CNTNAP2: variants seen among roughly 807,000 people sequenced by gnomAD.
CNTNAP2 encodes contactin-associated protein-like 2.
In CNTNAP2, 98 loss-of-function variants were observed where a neutral mutation model predicts 155.2. That is an observed-to-expected ratio of 0.63 (90% CI 0.54 to 0.75). CNTNAP2 has a LOEUF of 0.75. Among genes scored for constraint, CNTNAP2 ranks in the 30% least tolerant of loss-of-function variants. CNTNAP2 has a pLI of 0.00. For missense variants in CNTNAP2, 1,727 were observed against 1,688.1 expected (o/e 1.02, Z -0.40); for synonymous variants, 651 against 631.2 (o/e 1.03, Z -0.47).
intron 3 of CNTNAP2, among the ~76,000 whole-genome samples, chr7:147,012,146 T>C (rs927355472): frequency 1.3e-5 from 2 of 152,212 alleles, no homozygotes; most frequent in Admixed American, 6.5e-5. Context: ...ATGACCTTTA[T>C]GATGGGGTGG....
At chr7:146,329,490 A>T (rs1801147051) in intron 1 of CNTNAP2, among the ~76,000 whole-genome samples, 1 of 152,190 alleles carries the variant, frequency 6.6e-6, no homozygotes, top group African/African-American at 2.4e-5. Context: ...TTTTAAAAAT[A>T]TATTTTGGGA....
At chr7:146,211,710 T>G (rs1584804329) in intron 1 of CNTNAP2, among the ~76,000 whole-genome samples, 1 of 152,208 alleles carries the variant, frequency 6.6e-6, no homozygotes, top group Admixed American at 6.6e-5. Flanking sequence ...CACTTCAGAA[T>G]TAGTGAGTCA....
At chr7:147,395,543 C>G (rs1264857723) in intron 9 of CNTNAP2, 66 bp from the exon 10 acceptor site, 9 of 1,529,258 alleles carry the variant, frequency 5.9e-6, no homozygotes, top group Non-Finnish European at 7.2e-6. Flanking sequence ...GTAGAATACC[C>G]ACAAGAATTT....
rs555028514 is a variant in CNTNAP2, at chr7:146,833,147, C to T, written c.209-6564C>T. On this transcript the variant is annotated intron_variant, in intron 2 of 23. Transcript: ENST00000361727. ...AATGTTTTATTTTTCCCTGTTGTAA[C>T]TGATAATTACTGCTATTTTTAATGA... is the stretch of plus-strand genomic sequence containing the variant. Among the ~76,000 whole-genome samples the T allele has an allele frequency of 5.3e-5, 8 of 152,192 alleles. No individual in the cohort carries two copies. In the South Asian group the frequency reaches 8.3e-4, roughly 16 times the overall value.
At chr7:146,215,520 C>T (rs1052871186) in intron 1 of CNTNAP2, among the ~76,000 whole-genome samples, 2 of 152,014 alleles carry the variant, frequency 1.3e-5, no homozygotes, top group East Asian at 3.9e-4. Flanking sequence ...ACAAAATTGC[C>T]ATTTTATGGA....
intron 15 of CNTNAP2, among the ~76,000 whole-genome samples, chr7:148,026,060 T>C (rs1032160893): frequency 4.6e-5 from 7 of 152,148 alleles, no homozygotes; most frequent in African/African-American, 1.4e-4. Context: ...AGGGCAGAGG[T>C]TGGACCCTTG....
intron 1 of CNTNAP2, among the ~76,000 whole-genome samples, chr7:146,280,493 C>T (rs1800233893): frequency 6.6e-6 from 1 of 152,140 alleles, no homozygotes; most frequent in African/African-American, 2.4e-5. Context: ...AATTGCTGAT[C>T]ACTCCCTGCA....
At chr7:146,938,845 C>T (rs879386812) in intron 3 of CNTNAP2, among the ~76,000 whole-genome samples, 11 of 151,928 alleles carry the variant, frequency 7.2e-5, no homozygotes, top group South Asian at 2.1e-4. Flanking sequence ...ATTGAGCTTA[C>T]GATATACCAA....
intron 13 of CNTNAP2, among the ~76,000 whole-genome samples, chr7:147,862,658 TACACATAC>T (rs2116688209): frequency 6.6e-6 from 1 of 152,058 alleles, no homozygotes; most frequent in African/African-American, 2.4e-5. Context: ...CACACACATA[TACACATAC>T]ACACACATAT....
intron 20 of CNTNAP2, among the ~76,000 whole-genome samples, chr7:148,245,485 G>A (rs1177690742): frequency 3.9e-5 from 6 of 152,164 alleles, no homozygotes; most frequent in African/African-American, 4.8e-5. Flanking sequence ...CATATTCTGC[G>A]CGCTGCTCTT....
At chr7:147,507,465 G>T (rs1798926434) in intron 11 of CNTNAP2, among the ~76,000 whole-genome samples, 1 of 150,290 alleles carries the variant, frequency 6.7e-6, no homozygotes, top group Non-Finnish European at 1.5e-5. Flanking sequence ...ATCGACTCTT[G>T]TCAGTTACTT....
intron 15 of CNTNAP2, among the ~76,000 whole-genome samples, chr7:148,083,778 CAGAA>C (rs1803664526): frequency 6.6e-6 from 1 of 152,122 alleles, no homozygotes; most frequent in African/African-American, 2.4e-5. Flanking sequence ...TGCAAAAGTG[CAGAA>C]AGAAATACAA....
chr7:147,098,350 G>A (rs79320598), intron 4 of CNTNAP2, among the ~76,000 whole-genome samples: 1,621 of 152,246 alleles, frequency 0.011, 22 homozygotes, highest in African/African-American at 0.037. Flanking sequence ...ACAACTGAGC[G>A]TTTTTAGAAC....
intron 1 of CNTNAP2, among the ~76,000 whole-genome samples, chr7:146,167,311 T>G (rs6966136): frequency 0.12 from 17,981 of 152,232 alleles, 1,402 homozygotes; most frequent in Non-Finnish European, 0.18. Context: ...GTTAAGCTAT[T>G]GTGGAAACAC....
chr7:146,390,291 A>T (rs1020052222), intron 1 of CNTNAP2, among the ~76,000 whole-genome samples: 1 of 152,224 alleles, frequency 6.6e-6, no homozygotes, highest in Non-Finnish European at 1.5e-5. Context: ...TTTAGTAAAT[A>T]CACAAATAGT....
intron 11 of CNTNAP2, among the ~76,000 whole-genome samples, chr7:147,491,913 C>CA (rs1183861390): frequency 6.4e-4 from 97 of 151,460 alleles, no homozygotes; most frequent in South Asian, 3.6e-3. Context: ...AGGATATTAG[C>CA]AAAAAAAATC....
chr7:147,947,560 T>C (rs1800842712), intron 14 of CNTNAP2, among the ~76,000 whole-genome samples: 1 of 148,896 alleles, frequency 6.7e-6, no homozygotes, highest in African/African-American at 2.5e-5. Context: ...GCCAGGGAGG[T>C]AGAGAGGCTG....
intron 19 of CNTNAP2, among the ~76,000 whole-genome samples, chr7:148,228,667 C>T (rs1485950173): frequency 6.6e-6 from 1 of 151,096 alleles, no homozygotes; most frequent in Non-Finnish European, 1.5e-5. Flanking sequence ...ACTAAAAATA[C>T]CAAAAAAAAA....
chr7:146,966,542 CA>C (rs1439943215), intron 3 of CNTNAP2, among the ~76,000 whole-genome samples: 1 of 152,170 alleles, frequency 6.6e-6, no homozygotes, highest in Non-Finnish European at 1.5e-5. Context: ...CTCAATCCAC[CA>C]GATGAATATT....
Sources: allele counts gnomAD v4.1 joint callset (sites outside exome capture counted in the v4.1 genomes callset), GRCh38; gene constraint gnomAD v4.1.1; transcripts MANE v1.5; gene names NCBI Gene and HGNC (gene_info 2026-07-23, HGNC 2026-07-21).